Variants in YAF2 observed in about 807,000 individuals in gnomAD.
YAF2 encodes the protein YY1 associated factor 2.
Under a neutral mutation model 20.1 loss-of-function variants are expected in YAF2, and 7 were observed. That is an observed-to-expected ratio of 0.35 (90% CI 0.20 to 0.65). The LOEUF (loss-of-function observed/expected upper bound fraction) is 0.65. Ranked by LOEUF, YAF2 falls within the 30% of genes least tolerant of loss-of-function variation. The probability of loss-of-function intolerance (pLI) is 0.69; values close to 1 mark genes in which losing one functional copy is unlikely to be tolerated. For synonymous variants in YAF2, 74 were observed against 76.0 expected (o/e 0.97, Z 0.14); for missense variants, 151 against 219.2 (o/e 0.69, Z 1.96).
At chr12:42,194,938 G>A (rs892235139) in intron 2 of YAF2, among the ~76,000 whole-genome samples, 5 of 152,152 alleles carry the variant, frequency 3.3e-5, no homozygotes, top group African/African-American at 1.2e-4. Flanking sequence ...CTAGCTTACT[G>A]ACAACACTTT....
At chr12:42,215,941 A>C (rs923802421) in intron 2 of YAF2, among the ~76,000 whole-genome samples, 1 of 90,280 alleles carries the variant, frequency 1.1e-5, no homozygotes, top group Non-Finnish European at 2.3e-5. Context: ...TAAATAAATA[A>C]ATAAATAAAT....
rs1158043193 is a variant in YAF2, at chr12:42,228,298, G to A, written c.152+9301C>T. Among the ~76,000 whole-genome samples the A allele has an allele frequency of 3.0e-5, 2 of 65,836 alleles. 1 individual carries two copies. Among genetic ancestry groups the A allele is most frequent in the East Asian group, 1.3e-3 (2 of 1,558 alleles). 43.2% of individuals were successfully genotyped at this position (65,836 alleles called of 152,430 possible). A position where few individuals can be genotyped will look rare whatever the true frequency, so the allele number is the denominator to read the frequency against. On this transcript the variant is annotated intron_variant, in intron 2 of 3. Transcript: ENST00000534854. The stretch of plus-strand genomic sequence containing the variant: ...GCCGCCCCGTCCGGGAGGGAGGTGG[G>A]GGGGGGTCAGCCCCCCTGCCCGGCC...
At chr12:42,195,479 A>G (rs1344162512) in intron 2 of YAF2, among the ~76,000 whole-genome samples, 1 of 152,240 alleles carries the variant, frequency 6.6e-6, no homozygotes, top group Non-Finnish European at 1.5e-5. Flanking sequence ...GGCCAGGGAA[A>G]AAAGTATCTT....
At chr12:42,226,217 G>A (rs780690041) in intron 2 of YAF2, among the ~76,000 whole-genome samples, 16 of 152,156 alleles carry the variant, frequency 1.1e-4, no homozygotes, top group South Asian at 2.1e-4. Context: ...GAAACACTTC[G>A]TTTTTAGCTA....
At chr12:42,189,083 T>C (rs897043790) in intron 2 of YAF2, among the ~76,000 whole-genome samples, 1 of 152,158 alleles carries the variant, frequency 6.6e-6, no homozygotes, top group African/African-American at 2.4e-5. Context: ...TTAGAGTGTG[T>C]GTAGAATTTC....
chr12:42,198,752 C>T lies in YAF2; in HGVS notation c.153-36987G>A, dbSNP rs558469306. On this transcript the variant is annotated intron_variant, in intron 2 of 3. Coordinates refer to ENST00000534854, the MANE Select transcript of YAF2 (RefSeq NM_005748.6). Reference sequence around the variant, plus strand: ...ATTGATTAATAGTTAAGATAAGAGCCCACGAACAAGTGAAGCAATAAAAGA... The same window carrying T: ...ATTGATTAATAGTTAAGATAAGAGCTCACGAACAAGTGAAGCAATAAAAGA... Among the ~76,000 whole-genome samples the T allele has an allele frequency of 2.0e-5, 3 of 152,124 alleles. No individual in the cohort carries two copies. The South Asian group carries it at 6.2e-4, about 32-fold the overall frequency.
intron 2 of YAF2, among the ~76,000 whole-genome samples, chr12:42,229,860 T>C (rs1411250014): frequency 6.6e-6 from 1 of 152,222 alleles, no homozygotes; most frequent in Non-Finnish European, 1.5e-5. Context: ...GGACTGTATA[T>C]GTGGTCCCCC....
intron 2 of YAF2, among the ~76,000 whole-genome samples, chr12:42,229,414 AAT>A (rs1491064770): frequency 3.1e-5 from 4 of 128,336 alleles, no homozygotes; most frequent in Non-Finnish European, 4.9e-5. Context: ...TCAATAAAAA[AAT>A]AAATTAAAAA....
chr12:42,228,443 G>A (rs1377312952), intron 2 of YAF2, among the ~76,000 whole-genome samples: 1 of 43,364 alleles, frequency 2.3e-5, no homozygotes, highest in Non-Finnish European at 3.8e-5. Context: ...TCAGCCCCCC[G>A]CCTGGCCAGC....
chr12:42,167,997 A>G (rs1440537089), intron 2 of YAF2, among the ~76,000 whole-genome samples: 3 of 152,190 alleles, frequency 2.0e-5, no homozygotes, highest in African/African-American at 4.8e-5. Flanking sequence ...AATGTTAAAA[A>G]TGTATATACT....
chr12:42,205,076 T>C (rs2067002562), intron 2 of YAF2, among the ~76,000 whole-genome samples: 1 of 150,980 alleles, frequency 6.6e-6, no homozygotes, highest in Non-Finnish European at 1.5e-5. Flanking sequence ...AAACCACCTA[T>C]TCCTCTTGGG....
intron 1 of YAF2, 154 bp from the exon 2 acceptor site, chr12:42,237,878 G>A (rs2068231668): frequency 8.7e-6 from 6 of 690,442 alleles, no homozygotes; most frequent in Non-Finnish European, 1.1e-5. Context: ...GGCTGAGGGG[G>A]AAGGGAGTCA....
intron 2 of YAF2, among the ~76,000 whole-genome samples, chr12:42,218,126 T>A (rs1162683778): frequency 6.6e-6 from 1 of 151,262 alleles, no homozygotes; most frequent in African/African-American, 2.4e-5. Context: ...TTTCTAGACG[T>A]TAGAACTTGC....
At chr12:42,235,728 A>C (rs1475542044) in intron 2 of YAF2, 1 of 1,534,612 alleles carries the variant, frequency 6.5e-7, no homozygotes, top group South Asian at 1.2e-5. Context: ...CCACCACTAA[A>C]AATTGGATCT....
intron 2 of YAF2, among the ~76,000 whole-genome samples, chr12:42,179,998 A>G (rs995377152): frequency 3.9e-5 from 6 of 152,088 alleles, no homozygotes. Context: ...TCTGCAACCT[A>G]TAATTCTGGA....
chr12:42,197,761 C>G (rs2066791932), intron 2 of YAF2, among the ~76,000 whole-genome samples: 1 of 152,112 alleles, frequency 6.6e-6, no homozygotes, highest in Admixed American at 6.5e-5. Context: ...TCTTACCTTA[C>G]AAGAGTAAAG....
intron 2 of YAF2, chr12:42,235,248 A>G (rs751083341): frequency 2.7e-5 from 27 of 997,108 alleles, no homozygotes; most frequent in Non-Finnish European, 3.0e-5. Flanking sequence ...GTACTTGCCA[A>G]CCTTACTCTG....
intron 2 of YAF2, among the ~76,000 whole-genome samples, chr12:42,229,499 G>A (rs1022325313): frequency 6.6e-6 from 1 of 150,816 alleles, no homozygotes; most frequent in African/African-American, 2.4e-5. Context: ...AAGTGAATAA[G>A]ACGGTCTCTG....
intron 2 of YAF2, chr12:42,232,233 A>C (rs1388448271): frequency 1.8e-5 from 3 of 170,478 alleles, no homozygotes; most frequent in Non-Finnish European, 3.5e-5. Flanking sequence ...ATTTGGTGCC[A>C]CTGCTTTGAT....
Sources: allele counts gnomAD v4.1 joint callset (sites outside exome capture counted in the v4.1 genomes callset), GRCh38; gene constraint gnomAD v4.1.1; transcripts MANE v1.5; gene names NCBI Gene and HGNC (gene_info 2026-07-23, HGNC 2026-07-21).